Variants in ZNF536 observed in about 807,000 individuals in gnomAD.
ZNF536 encodes zinc finger protein 536.
A neutral mutation model predicts 84.5 loss-of-function variants in ZNF536; 13 were observed. The ratio of observed to expected loss-of-function variants is 0.15; its 90% confidence interval spans 0.10 to 0.24. ZNF536 has a LOEUF of 0.24. Ranked by LOEUF, ZNF536 falls within the 10% of genes least tolerant of loss-of-function variation. The probability of loss-of-function intolerance (pLI) is 1.00; values close to 1 mark genes in which losing one functional copy is unlikely to be tolerated. For synonymous variants in ZNF536, 811 were observed against 742.5 expected (o/e 1.09, Z -1.50); for missense variants, 1,536 against 1,747.5 (o/e 0.88, Z 2.16).
chr19:30,536,824 C>G (rs1370634537), intron 3 of ZNF536, among the ~76,000 whole-genome samples: 1 of 152,100 alleles, frequency 6.6e-6, no homozygotes, highest in Non-Finnish European at 1.5e-5. Flanking sequence ...AGGGAGGGGG[C>G]CTTGCATTCT....
chr19:30,678,740 C>A (rs532424587), intron 1 of ZNF536, among the ~76,000 whole-genome samples: 2 of 150,326 alleles, frequency 1.3e-5, no homozygotes, highest in Non-Finnish European at 2.9e-5. Context: ...CAAGCCCCCC[C>A]ACACACACCT....
At chr19:30,389,168 G>A (rs1218058152) in intron 1 of ZNF536, among the ~76,000 whole-genome samples, 1 of 152,226 alleles carries the variant, frequency 6.6e-6, no homozygotes, top group East Asian at 1.9e-4. Flanking sequence ...CGTTCCACGT[G>A]CCTCCACGAA....
At chr19:30,502,888 G>T (rs1004200429) in intron 2 of ZNF536, among the ~76,000 whole-genome samples, 2 of 152,118 alleles carry the variant, frequency 1.3e-5, no homozygotes, top group African/African-American at 2.4e-5. Flanking sequence ...CCCAGATGTG[G>T]CAAGGAGTTA....
intron 4 of ZNF536, 91 bp from the exon 5 acceptor site, chr19:30,557,066 G>A (rs928159981): frequency 2.0e-5 from 28 of 1,367,870 alleles, no homozygotes; most frequent in Non-Finnish European, 2.4e-5. Flanking sequence ...TCCATTAAAC[G>A]ATTAGGGGAT....
chr19:30,253,617 A>G (rs1249942647), intron 1 of ZNF536, among the ~76,000 whole-genome samples: 1 of 152,200 alleles, frequency 6.6e-6, no homozygotes. Flanking sequence ...AGACTGTGTC[A>G]TTCAGAATCT....
chr19:30,494,952 G>GAAAAAAAAAAAAAAAAAAA, intron 2 of ZNF536, among the ~76,000 whole-genome samples: 1 of 89,130 alleles, frequency 1.1e-5, no homozygotes, highest in Non-Finnish European at 2.6e-5. Context: ...TCTCAAAAAA[G>GAAAAAAAAAAAAAAAAAAA]AAAAAAAAAA....
chr19:30,648,254 A>G (rs1044260915), intron 1 of ZNF536, among the ~76,000 whole-genome samples: 6 of 152,112 alleles, frequency 3.9e-5, no homozygotes, highest in Non-Finnish European at 7.4e-5. Flanking sequence ...CGAGTCCCCA[A>G]CCTGCGGCCG....
intron 1 of ZNF536, among the ~76,000 whole-genome samples, chr19:30,257,326 A>G (rs2024962538): frequency 6.6e-6 from 1 of 152,238 alleles, no homozygotes; most frequent in South Asian, 2.1e-4. Flanking sequence ...ATCCTCAGAT[A>G]ACATTGGCTG....
rs562414751 is a variant in ZNF536 at position 30,576,038 on chromosome 19, A to AGT, written c.169+26528_169+26529dup. ...GGCTCGGCTCATGGTATAAGGGTCA[A>AGT]GTGTGCCCACATTGGAATTCTTAAT... On this transcript the variant is annotated intron_variant, in intron 1 of 1. Transcript: ENST00000592773. Among the ~76,000 whole-genome samples, 500 of 152,332 alleles carry AGT rather than the reference A, an allele frequency of 3.3e-3. 2 individuals carry two copies. The highest frequency in any genetic ancestry group is 4.5e-3 in the Non-Finnish European group (307 of 68,030).
chr19:30,434,748 G>T (rs1048195684), intron 1 of ZNF536, among the ~76,000 whole-genome samples: 2 of 151,450 alleles, frequency 1.3e-5, no homozygotes, highest in African/African-American at 4.8e-5. Context: ...GATGATGGTG[G>T]TGATATTGAT....
chr19:30,546,984 G>T (rs917134006), intron 3 of ZNF536, among the ~76,000 whole-genome samples: 2 of 152,140 alleles, frequency 1.3e-5, no homozygotes, highest in Admixed American at 1.3e-4. Context: ...GAAGTTGGGG[G>T]TGTTGAATTT....
At chr19:30,502,345 A>G (rs963964669) in intron 2 of ZNF536, among the ~76,000 whole-genome samples, 14 of 152,066 alleles carry the variant, frequency 9.2e-5, no homozygotes, top group Non-Finnish European at 1.8e-4. Context: ...GTGGGTGGGA[A>G]TGGTTTTTTT....
At chr19:30,378,482 G>A (rs1341921065) in intron 1 of ZNF536, among the ~76,000 whole-genome samples, 1 of 152,174 alleles carries the variant, frequency 6.6e-6, no homozygotes, top group Non-Finnish European at 1.5e-5. Context: ...TTTTAGCAGA[G>A]ATGGGGTTTT....
At chr19:30,636,420 T>G (rs1391755191) in intron 1 of ZNF536, among the ~76,000 whole-genome samples, 1 of 152,142 alleles carries the variant, frequency 6.6e-6, no homozygotes, top group Non-Finnish European at 1.5e-5. Context: ...TGTCTCTTCA[T>G]GGATAAAAGA....
Position 30,623,032 on chromosome 19 carries a change from G to T in ZNF536, c.169+73518G>T, listed in dbSNP as rs201474790. Among the ~76,000 whole-genome samples the T allele has an allele frequency of 5.8e-3, 525 of 91,138 alleles. 1 individual carries two copies. The highest frequency in any genetic ancestry group is 0.028 in the Middle Eastern group (5 of 178). 59.8% of individuals were successfully genotyped at this position (91,138 alleles called of 152,430 possible). Reference sequence around the variant, plus strand: ...CTAAAAATCTTGTGTTTTTTTTTTTGTTTTTTTGTTTTTTTGTTTTTTTGA... The same window carrying T: ...CTAAAAATCTTGTGTTTTTTTTTTTTTTTTTTTGTTTTTTTGTTTTTTTGA... On this transcript the variant is annotated intron_variant, in intron 1 of 1. Coordinates refer to the ZNF536 transcript ENST00000592773.
chr19:30,616,598 T>C (rs1457180691), intron 1 of ZNF536, among the ~76,000 whole-genome samples: 1 of 152,252 alleles, frequency 6.6e-6, no homozygotes, highest in Non-Finnish European at 1.5e-5. Flanking sequence ...GCATTGCTGT[T>C]ACAAAGCATG....
chr19:30,601,814 G>C (rs1451296664), intron 1 of ZNF536, among the ~76,000 whole-genome samples: 2 of 152,208 alleles, frequency 1.3e-5, no homozygotes, highest in African/African-American at 4.8e-5. Context: ...CCTGCAGTTT[G>C]CTTGTGTGAT....
chr19:30,700,204 C>CTTTCT lies in ZNF536; in HGVS notation c.170-10550_170-10546dup, dbSNP rs59460203. ...CTTTTCTTTCCTTCTTTCTTTCCTT[C>CTTTCT]TTTCTTTCCTTCTTTCTTTCTTTCT... On this transcript the variant is annotated intron_variant, in intron 1 of 1. Transcript: ENST00000592773. Among the ~76,000 whole-genome samples, 66 of 104,252 alleles carry CTTTCT rather than the reference C, an allele frequency of 6.3e-4. No homozygotes were observed. The East Asian group carries it at 7.5e-3, about 12-fold the overall frequency. 68.4% of individuals were successfully genotyped at this position (104,252 alleles called of 152,430 possible).
At chr19:30,600,050 T>TG (rs1167933470) in intron 1 of ZNF536, among the ~76,000 whole-genome samples, 24 of 151,496 alleles carry the variant, frequency 1.6e-4, no homozygotes, top group Non-Finnish European at 2.9e-4. Flanking sequence ...CTGTTTTTTT[T>TG]TTTTTGTTGT....
Sources: gnomAD v4.1 joint callset for allele counts (sites outside exome capture counted in the v4.1 genomes callset) on GRCh38, gnomAD v4.1.1 for gene constraint, MANE v1.5 for transcripts, NCBI Gene and HGNC (gene_info 2026-07-23, HGNC 2026-07-21) for gene names.